The following TSPAN15 variants were observed in gnomAD, a reference collection of about 807,000 sequenced individuals.
TSPAN15 encodes tetraspanin 15.
A neutral mutation model predicts 34.5 loss-of-function variants in TSPAN15; 20 were observed. That is an observed-to-expected ratio of 0.58 (90% CI 0.41 to 0.84). The LOEUF (loss-of-function observed/expected upper bound fraction) is 0.84, where lower values mean the gene tolerates loss of function less well. Among genes scored for constraint, TSPAN15 ranks in the 40% least tolerant of loss-of-function variants. TSPAN15 has a pLI of 0.00. For missense variants in TSPAN15, 313 were observed against 386.1 expected (o/e 0.81, Z 1.59); for synonymous variants, 155 against 153.9 (o/e 1.01, Z -0.05).
chr10:69,537,696 C>T, the TSPAN15 span, among the ~76,000 whole-genome samples: 1 of 152,198 alleles, frequency 6.6e-6, no homozygotes, highest in Non-Finnish European at 1.5e-5. Context: ...CAAATAAGAA[C>T]ACATTCTGAG....
the TSPAN15 span, among the ~76,000 whole-genome samples, chr10:69,512,845 C>T: frequency 2.6e-5 from 4 of 152,168 alleles, no homozygotes; most frequent in Admixed American, 1.3e-4. Flanking sequence ...TACTGATGGA[C>T]GTTTTGTTTC....
intron 1 of TSPAN15, among the ~76,000 whole-genome samples, chr10:69,457,601 G>A (rs775474692): frequency 6.6e-6 from 1 of 152,158 alleles, no homozygotes; most frequent in Non-Finnish European, 1.5e-5. Context: ...AGAGGCAATA[G>A]GAACTCTTTC....
At chr10:69,532,354 A>G in the TSPAN15 span, among the ~76,000 whole-genome samples, 1 of 152,252 alleles carries the variant, frequency 6.6e-6, no homozygotes, top group Non-Finnish European at 1.5e-5. Flanking sequence ...GGAACAGAAT[A>G]GAGAACCCAG....
At chr10:69,455,584 TTCTTTC>T (rs1470420719) in intron 1 of TSPAN15, among the ~76,000 whole-genome samples, 1 of 123,956 alleles carries the variant, frequency 8.1e-6, no homozygotes, top group Non-Finnish European at 1.8e-5. Context: ...TTTTCTTTCT[TTCTTTC>T]TCTTTCTTTC....
chr10:69,507,958 G>A (rs1589658724), downstream of TSPAN15, among the ~76,000 whole-genome samples: 1 of 152,208 alleles, frequency 6.6e-6, no homozygotes, highest in African/African-American at 2.4e-5. Flanking sequence ...TTGCCCACAG[G>A]TCCACCTACC....
chr10:69,471,707 T>A (rs146318149), intron 1 of TSPAN15, among the ~76,000 whole-genome samples: 27 of 148,362 alleles, frequency 1.8e-4, no homozygotes, highest in Admixed American at 3.4e-4. Context: ...TCCTCCCACC[T>A]CAGCCTCCCA....
At chr10:69,479,056 C>T (rs1483690522) in intron 1 of TSPAN15, among the ~76,000 whole-genome samples, 1 of 152,224 alleles carries the variant, frequency 6.6e-6, no homozygotes. Flanking sequence ...ATCCATTGGA[C>T]CATCAGTTCC....
the TSPAN15 span, among the ~76,000 whole-genome samples, chr10:69,545,075 C>G: frequency 6.6e-6 from 1 of 152,316 alleles, no homozygotes; most frequent in South Asian, 2.1e-4. Context: ...CCTCTCCAAA[C>G]TGGGGGTCCC....
intron 3 of TSPAN15, 151 bp from the exon 4 acceptor site, chr10:69,495,443 C>T (rs1471158106): frequency 6.5e-6 from 4 of 617,644 alleles, no homozygotes; most frequent in Admixed American, 2.7e-5. Flanking sequence ...TCACGGGCAT[C>T]CAGGGTGGGG....
intron 1 of TSPAN15, among the ~76,000 whole-genome samples, chr10:69,465,858 C>T (rs1841373062): frequency 7.9e-6 from 1 of 125,930 alleles, no homozygotes; most frequent in African/African-American, 2.7e-5. Flanking sequence ...ATCTCTGATC[C>T]TCCCCGAAGC....
Position 69,482,785 on chromosome 10 carries a change from C to G in TSPAN15, c.97-906C>G, listed in dbSNP as rs189344651. Among the ~76,000 whole-genome samples, 11 of 152,284 alleles carry G rather than the reference C, an allele frequency of 7.2e-5. No homozygotes were observed. In the East Asian group the frequency reaches 2.1e-3, roughly 29 times the overall value. On this transcript the variant is annotated intron_variant, in intron 1 of 7. Transcript: ENST00000373290. ...AACCCATGTTCTCTGACCCTCCAGC[C>G]AGTGGCATTTCCCCTAACCCATCTA...
intron 1 of TSPAN15, among the ~76,000 whole-genome samples, chr10:69,470,983 C>G (rs957280193): frequency 1.3e-5 from 2 of 152,178 alleles, no homozygotes; most frequent in African/African-American, 4.8e-5. Context: ...TTGGTCCCTC[C>G]TCTACTCCAA....
chr10:69,467,887 TA>T (rs58306291), intron 1 of TSPAN15, among the ~76,000 whole-genome samples: 60,391 of 151,734 alleles, frequency 0.4, 12,498 homozygotes, highest in Non-Finnish European at 0.45. Flanking sequence ...TTCTTTTTCA[TA>T]AAAAATGTCC....
chr10:69,546,995 T>A, the TSPAN15 span, among the ~76,000 whole-genome samples: 1 of 151,448 alleles, frequency 6.6e-6, no homozygotes, highest in South Asian at 2.1e-4. Context: ...AAATAAAAAA[T>A]TTAAATACAT....
intron 3 of TSPAN15, 83 bp from the exon 4 acceptor site, chr10:69,495,511 A>G (rs2133138927): frequency 1.0e-6 from 1 of 1,002,512 alleles, no homozygotes; most frequent in East Asian, 2.4e-5. Context: ...GGCATTCTCT[A>G]CCCATCCAGG....
chr10:69,546,813 C>T, the TSPAN15 span, among the ~76,000 whole-genome samples: 4 of 152,000 alleles, frequency 2.6e-5, no homozygotes, highest in African/African-American at 9.7e-5. Context: ...GACAAAGAGC[C>T]CTTCAAACCC....
chr10:69,533,099 G>A, the TSPAN15 span, among the ~76,000 whole-genome samples: 73,092 of 151,966 alleles, frequency 0.48, 18,296 homozygotes, highest in East Asian at 0.9. Context: ...TAGTACAACC[G>A]CTATGGAAAA....
chr10:69,495,094 C>T (rs999386784), intron 3 of TSPAN15: 1 of 159,712 alleles, frequency 6.3e-6, no homozygotes, highest in Middle Eastern at 3.0e-3. Context: ...TCTGTGACCT[C>T]ACTCCCTCCC....
At chr10:69,530,808 CTCTCTCTCTCTCTATA>C in the TSPAN15 span, among the ~76,000 whole-genome samples, 161 of 68,976 alleles carry the variant, frequency 2.3e-3, no homozygotes, top group Admixed American at 4.5e-3. Flanking sequence ...CTCTCTCTCT[CTCTCTCTCTCTCTATA>C]TATATATATA....
Sources: gnomAD v4.1 joint callset for allele counts (sites outside exome capture counted in the v4.1 genomes callset) on GRCh38, gnomAD v4.1.1 for gene constraint, MANE v1.5 for transcripts, NCBI Gene and HGNC (gene_info 2026-07-23, HGNC 2026-07-21) for gene names.